Variants in KLK4 observed in about 807,000 individuals in gnomAD.
KLK4 encodes the protein kallikrein-4.
Under a neutral mutation model 24.3 loss-of-function variants are expected in KLK4, and 24 were observed. That is an observed-to-expected ratio of 0.99 (90% CI 0.72 to 1.39). The LOEUF is 1.39. Ranked by LOEUF, KLK4 falls within the 40% of genes most tolerant of loss-of-function variation. The pLI is 0.00. For missense variants in KLK4, 344 were observed against 327.4 expected, an observed-to-expected ratio of 1.05 and a Z score of -0.39; for synonymous variants, 142 against 138.8, an observed-to-expected ratio of 1.02 and a Z score of -0.16.
At chr19:50,908,852 C>G in intron 3 of KLK4, 23 bp from the exon 4 acceptor site, 1 of 1,608,250 alleles carries the variant, frequency 6.2e-7, no homozygotes. Flanking sequence ...GAGGGCAGGT[C>G]AGTTTTGTGG....
chr19:50,910,780 C>G lies in KLK4; in HGVS notation c.-11-31G>C. On this transcript the variant is annotated intron_variant, in intron 1 of 5. Transcript: ENST00000324041. This position sits in a 1 kb window ranked among gnomAD's most constrained non-coding sequence, Gnocchi z 4.4. ...GATGAGGACTGAGACTTAGCCGTGT[C>G]TGGGGATCTTCAGCCCAAGTCTCTC... 6.5e-7 allele frequency: 1 copy of G among 1,529,932 alleles called. No individual in the cohort carries two copies. The highest frequency in any genetic ancestry group is 8.9e-7 in the Non-Finnish European group (1 of 1,127,140). 94.8% of individuals were successfully genotyped at this position (1,529,932 alleles called of 1,614,324 possible). A position where few individuals can be genotyped will look rare whatever the true frequency, so the allele number is the denominator to read the frequency against.
chr19:50,906,776 G>C, exon 6 of KLK4: 1 of 809,826 alleles, frequency 1.2e-6, no homozygotes, highest in Non-Finnish European at 2.1e-6. Flanking sequence ...GGGTCTGAGG[G>C]AGGAGGGGCT....
exon 4 of KLK4, chr19:50,908,678 C>A: frequency 6.2e-7 from 1 of 1,614,184 alleles, no homozygotes; most frequent in Non-Finnish European, 8.5e-7. Context: ...GACTCGGACA[C>A]GGATTCGTCC....
rs2090439316 is a variant in KLK4 at position 50,907,082 on chromosome 19, T to C, written c.617A>G (p.Asp206Gly). 1.9e-6 allele frequency: 3 copies of C among 1,613,896 alleles called. No individual in the cohort carries two copies. The Admixed American group carries it at 5.0e-5, about 27-fold the overall frequency. The change falls in exon 6 of 6, where the codon GAC becomes GGC. Residue 206 changes from aspartate to glycine, a missense_variant. Coordinates refer to ENST00000324041, the Ensembl canonical transcript of KLK4. ...GTTGCAGATCAGGGGCCCCCCAGAGTCACCCTGTTGTGAAGAGAGGGAGAG... is the reference window on the plus strand; with the variant it reads ...GTTGCAGATCAGGGGCCCCCCAGAGCCACCCTGTTGTGAAGAGAGGGAGAG...
intron 5 of KLK4, 57 bp downstream of exon 5, chr19:50,908,302 T>C: frequency 6.2e-7 from 1 of 1,601,816 alleles, no homozygotes; most frequent in East Asian, 2.2e-5. Context: ...TGTGTCTCTG[T>C]CTCCCCCTTC....
At chr19:50,908,539 G>C in intron 4 of KLK4, 40 bp downstream of exon 4, 1 of 1,614,154 alleles carries the variant, frequency 6.2e-7, no homozygotes, top group Non-Finnish European at 8.5e-7. Flanking sequence ...CTGGGCAGAG[G>C]ACCTCCTTGA....
rs1353299743 is a variant in KLK4 at position 50,910,938 on chromosome 19, A to AAGAG, written c.-11-193_-11-190dup. ...ACAGATTTAGAGACTGAGAGAGAAA[A>AAGAG]AGAGAGAGAGAGATGGGAAAAGAGA... On this transcript the variant is annotated intron_variant, in intron 1 of 5. Coordinates refer to ENST00000324041, the Ensembl canonical transcript of KLK4. This position sits in a 1 kb window ranked among gnomAD's most constrained non-coding sequence, Gnocchi z 4.4. 1.6e-5 allele frequency among the ~76,000 whole-genome samples: 2 copies of AAGAG among 122,680 alleles called. No homozygotes were observed. The highest frequency in any genetic ancestry group is 6.0e-5 in the African/African-American group (2 of 33,102). 80.5% of individuals were successfully genotyped at this position (122,680 alleles called of 152,430 possible).
Position 50,908,570 on chromosome 19 carries a change from T to C in KLK4, c.475+9A>G. 2 of 1,614,128 alleles carry C rather than the reference T, an allele frequency of 1.2e-6. No homozygotes were observed. The highest frequency in any genetic ancestry group is 1.7e-6 in the Non-Finnish European group (2 of 1,180,020). On this transcript the variant is annotated intron_variant, in intron 4 of 5. Coordinates refer to ENST00000324041, the Ensembl canonical transcript of KLK4. ...CTTGAAGAGGGCAGACACACACCCG[T>C]GAGCTCACCGTTCGCCAGCAGACCC...
exon 5 of KLK4, chr19:50,908,436 T>C: frequency 1.2e-6 from 2 of 1,614,140 alleles, no homozygotes; most frequent in East Asian, 2.2e-5. Context: ...TAGAGCTTAC[T>C]GCAGACCTCC....
In KLK4 at chr19:50,910,724, T is replaced by C; in HGVS notation, c.15A>G (p.Gly5=). ...ACCCCAGGAACCAGCCCCAGGGATT[T>C]CCTGCTGTGGCCATCACGTCAGCAC... is the stretch of plus-strand genomic sequence containing the variant. The change falls in exon 2 of 6, where the codon GGA becomes GGG. Residue 5 remains glycine (G), a synonymous_variant. Transcript: ENST00000324041. The surrounding 1 kb of genome is among the most constrained non-coding windows in gnomAD (Gnocchi z 4.4). The C allele has an allele frequency of 6.4e-7, 1 of 1,554,240 alleles. No homozygotes were observed. Among genetic ancestry groups the C allele is most frequent in the South Asian group, 1.2e-5 (1 of 84,212 alleles).
intron 5 of KLK4, chr19:50,907,943 A>G (rs1345911564): frequency 3.5e-6 from 1 of 282,296 alleles, no homozygotes; most frequent in Non-Finnish European, 6.8e-6. Flanking sequence ...AAATTCCAAC[A>G]AAGGTATATC....
intron 5 of KLK4, chr19:50,907,941 A>G (rs182899403): frequency 1.9e-4 from 53 of 282,172 alleles, no homozygotes; most frequent in Admixed American, 1.7e-3. Context: ...AAAAATTCCA[A>G]CAAAGGTATA....
At chr19:50,908,303 C>G in intron 5 of KLK4, 56 bp downstream of exon 5, 1 of 1,602,480 alleles carries the variant, frequency 6.2e-7, no homozygotes, top group East Asian at 2.2e-5. Flanking sequence ...GTGTCTCTGT[C>G]TCCCCCTTCT....
chr19:50,907,404 C>CTTT (rs147857832), intron 5 of KLK4, among the ~76,000 whole-genome samples: 20 of 110,692 alleles, frequency 1.8e-4, no homozygotes, highest in Non-Finnish European at 2.9e-4. Flanking sequence ...TTTGTAAAGT[C>CTTT]TTTTTTTTTT....
At chr19:50,911,179 A>G (rs996996573) in intron 1 of KLK4, among the ~76,000 whole-genome samples, 160 bp downstream of exon 1, 2 of 152,182 alleles carry the variant, frequency 1.3e-5, no homozygotes, top group Non-Finnish European at 2.9e-5. Context: ...GAGACCCCTA[A>G]CTAGAGACAG....
chr19:50,909,551 G>C (rs1320680435), intron 2 of KLK4, 137 bp from the exon 3 acceptor site: 1 of 935,112 alleles, frequency 1.1e-6, no homozygotes, highest in Non-Finnish European at 1.7e-6. Context: ...GGCTGGGAAC[G>C]GGCTCAGGAG....
chr19:50,906,462 G>A (rs1237759196), exon 6 of KLK4: 1 of 279,622 alleles, frequency 3.6e-6, no homozygotes, highest in Non-Finnish European at 6.9e-6. Context: ...TACAGGGAGA[G>A]TCTAGGTGGC....
At chr19:50,906,832 G>A (rs1600042542) in exon 6 of KLK4, 2 of 1,437,780 alleles carry the variant, frequency 1.4e-6, no homozygotes, top group Non-Finnish European at 2.0e-6. Context: ...TGGGGGCCTG[G>A]ACTCCTGGGC....
At position 50,910,601 on chromosome 19, in the gene KLK4, A is replaced by T. The variant is rs1223802850; in HGVS notation, c.61+77T>A. 8 of 1,335,950 alleles carry T rather than the reference A, an allele frequency of 6.0e-6. No homozygotes were observed. The highest frequency in any genetic ancestry group is 8.4e-6 in the Non-Finnish European group (8 of 950,778). The allele number at this position is 1,335,950 out of a possible 1,614,324, so 82.8% of individuals were successfully genotyped here. A position where few individuals can be genotyped will look rare whatever the true frequency, so the allele number is the denominator to read the frequency against. On this transcript the variant is annotated intron_variant, in intron 2 of 5. Transcript: ENST00000324041. The surrounding 1 kb of genome is among the most constrained non-coding windows in gnomAD (Gnocchi z 4.4). ...CAGCTTTGCAGTCACAAGCAAGAGGACACTGAGTCACACCTGAACATTAAC... is the reference window on the plus strand; with the variant it reads ...CAGCTTTGCAGTCACAAGCAAGAGGTCACTGAGTCACACCTGAACATTAAC...
Sources: allele counts gnomAD v4.1 joint callset (sites outside exome capture counted in the v4.1 genomes callset), GRCh38; gene constraint gnomAD v4.1.1; non-coding constraint Gnocchi (gnomAD v3.1); transcripts MANE v1.5; gene names NCBI Gene and HGNC (gene_info 2026-07-23, HGNC 2026-07-21).